The following HECW1 variants were observed in gnomAD, a reference collection of about 807,000 sequenced individuals.
The protein encoded by HECW1 is HECT, C2 and WW domain containing E3 ubiquitin protein ligase 1, also known as E3 ubiquitin-protein ligase HECW1.
In HECW1, 61 loss-of-function variants were observed where a neutral mutation model predicts 182.3. The observed-to-expected ratio is 0.33, with a 90% CI of 0.27 to 0.41. HECW1 has a LOEUF of 0.41. Among genes scored for constraint, HECW1 ranks in the 10% least tolerant of loss-of-function variants. The pLI is 1.00. For missense variants in HECW1, 1,739 were observed against 2,108.9 expected (o/e 0.82, Z 3.44); for synonymous variants, 859 against 832.6 (o/e 1.03, Z -0.55).
chr7:43,311,929 G>A lies in HECW1; in HGVS notation c.194G>A (p.Arg65His), dbSNP rs750970386. The A allele has an allele frequency of 8.1e-6, 13 of 1,614,126 alleles. No individual in the cohort carries two copies. Among genetic ancestry groups the A allele is most frequent in the Non-Finnish European group, 1.0e-5 (12 of 1,180,022 alleles). ...CCCCACGATGGCGTCACCATTCCCC[G>A]CTCCACCAGCGACACTGACCTGGTC... The part of the protein sequence containing the change: ...GGPHDGVTIP[R>H]STSDTDLVTS... The change falls in exon 4 of 30, where the codon CGC becomes CAC. Residue 65 changes from arginine (R) to histidine (H), a missense_variant. Transcript: ENST00000395891.
intron 24 of HECW1, chr7:43,523,124 C>T (rs1232648409): frequency 8.0e-6 from 3 of 374,092 alleles, no homozygotes; most frequent in Admixed American, 2.8e-5. Context: ...CTGCCTCAGC[C>T]TCTCAAGTAG....
intron 29 of HECW1, among the ~76,000 whole-genome samples, chr7:43,559,382 T>TTCAGTTG (rs2082135943): frequency 6.6e-6 from 1 of 152,092 alleles, no homozygotes; most frequent in Admixed American, 6.5e-5. Context: ...CGTGCAAAAC[T>TTCAGTTG]CCAGAGGCTT....
At chr7:43,267,533 A>G (rs1419374387) in intron 3 of HECW1, among the ~76,000 whole-genome samples, 1 of 152,012 alleles carries the variant, frequency 6.6e-6, no homozygotes, top group African/African-American at 2.4e-5. Flanking sequence ...TCAAGTAAAA[A>G]AAAATTAGAA....
intron 3 of HECW1, among the ~76,000 whole-genome samples, chr7:43,253,630 A>G (rs150318572): frequency 6.6e-6 from 1 of 152,288 alleles, no homozygotes; most frequent in African/African-American, 2.4e-5. Context: ...ATCAACTTTG[A>G]CATTCCCTCC....
At position 43,181,779 on chromosome 7, in the gene HECW1, T is replaced by TTTTG. The variant is rs956983475; in HGVS notation, c.-31-62080_-31-62077dup. 7.3e-5 allele frequency among the ~76,000 whole-genome samples: 11 copies of TTTTG among 150,716 alleles called. 1 individual carries two copies. Among genetic ancestry groups the TTTTG allele is most frequent in the African/African-American group, 2.5e-4 (10 of 40,158 alleles). On this transcript the variant is annotated intron_variant, in intron 2 of 29. Coordinates refer to ENST00000395891, the MANE Select transcript of HECW1 (RefSeq NM_015052.5). Reference sequence around the variant, plus strand: ...TTTCCTAATATTTTCTCATATTGTTTTTTGTTTGTTTGTTTGTTTTTGTTT... The same window carrying TTTTG: ...TTTCCTAATATTTTCTCATATTGTTTTTTGTTTGTTTGTTTGTTTGTTTTTGTTT...
Position 43,554,721 on chromosome 7 carries a change from C to A in HECW1, c.4640C>A (p.Ala1547Asp), listed in dbSNP as rs773662488. Residue 1547 changes from alanine to aspartate, a missense_variant, in exon 29 of 30, where the codon GCC becomes GAC. By Grantham distance (126) the Ala-to-Asp change is moderately radical. This residue lies in a region of HECW1 where 420 missense variants were observed against 595.7 expected (regional missense o/e 0.71). Coordinates refer to ENST00000395891, the MANE Select transcript of HECW1 (RefSeq NM_015052.5). The stretch of plus-strand genomic sequence containing the variant: ...AGCGTGCCCTACGAAGGCTTCGCAG[C>A]CCTCCGTGGGAGCAATGGGCTTCGG... ...TSSVPYEGFA[A>D]LRGSNGLRRF... 3.1e-6 allele frequency: 5 copies of A among 1,614,158 alleles called. No homozygotes were observed. The Admixed American group carries it at 5.0e-5, about 16-fold the overall frequency.
intron 6 of HECW1, among the ~76,000 whole-genome samples, chr7:43,392,414 G>A (rs541206225): frequency 1.3e-5 from 2 of 152,264 alleles, no homozygotes; most frequent in South Asian, 4.1e-4. Flanking sequence ...CCCAGGTCTG[G>A]GCCATTCCAA....
chr7:43,113,509 G>A (rs574571486), intron 1 of HECW1: 2 of 170,542 alleles, frequency 1.2e-5, no homozygotes, highest in South Asian at 2.0e-4. Context: ...GACGGGTGCA[G>A]GAGGGGAGGA....
chr7:43,337,008 AG>A (rs1812381007), intron 5 of HECW1, among the ~76,000 whole-genome samples: 1 of 152,294 alleles, frequency 6.6e-6, no homozygotes, highest in Admixed American at 6.5e-5. Flanking sequence ...TAAACATAGG[AG>A]TGCAGATGTC....
chr7:43,356,886 CAA>C (rs756053119), intron 5 of HECW1, among the ~76,000 whole-genome samples: 4 of 152,072 alleles, frequency 2.6e-5, no homozygotes, highest in Middle Eastern at 3.4e-3. Flanking sequence ...GTAAACAACT[CAA>C]GAGCAAAAAA....
chr7:43,114,032 A>C, intron 1 of HECW1, 125 bp from the exon 2 acceptor site: 2 of 406,590 alleles, frequency 4.9e-6, no homozygotes, highest in Non-Finnish European at 4.6e-6. Flanking sequence ...ACCAGAGAGC[A>C]TGTGGGGATT....
chr7:43,358,351 C>T (rs1398609042), intron 5 of HECW1, among the ~76,000 whole-genome samples: 2 of 152,140 alleles, frequency 1.3e-5, no homozygotes, highest in Non-Finnish European at 2.9e-5. Flanking sequence ...ATGGGGACAA[C>T]TTTGAGGTGT....
chr7:43,557,805 G>A (rs2082079985), intron 29 of HECW1, among the ~76,000 whole-genome samples: 1 of 152,182 alleles, frequency 6.6e-6, no homozygotes. Flanking sequence ...GCACATATGT[G>A]TGTGTATATC....
intron 12 of HECW1, among the ~76,000 whole-genome samples, chr7:43,455,646 T>A (rs2077376542): frequency 6.6e-6 from 1 of 152,234 alleles, no homozygotes. Context: ...ATAAATTCAT[T>A]AAACAGTAGA....
chr7:43,113,671 A>AGT (rs749352462), intron 1 of HECW1: 9 of 118,266 alleles, frequency 7.6e-5, no homozygotes, highest in African/African-American at 1.2e-4. Flanking sequence ...CGGGGCGGGG[A>AGT]GGGGGGGGGA....
intron 6 of HECW1, among the ~76,000 whole-genome samples, chr7:43,364,300 G>A (rs1203036254): frequency 6.6e-6 from 1 of 152,054 alleles, no homozygotes; most frequent in Non-Finnish European, 1.5e-5. Context: ...TGTCCCATGG[G>A]CAACTGTTGA....
intron 17 of HECW1, among the ~76,000 whole-genome samples, chr7:43,488,382 G>A (rs1158002886): frequency 4.8e-4 from 35 of 72,394 alleles, no homozygotes; most frequent in African/African-American, 8.5e-4. Context: ...AAGGAAGGAA[G>A]GAAGGAAGGA....
At chr7:43,384,465 T>A (rs573122204) in intron 6 of HECW1, among the ~76,000 whole-genome samples, 3 of 152,170 alleles carry the variant, frequency 2.0e-5, no homozygotes, top group Non-Finnish European at 4.4e-5. Context: ...CCCTTGGACC[T>A]TAGAGAGCTT....
At position 43,565,211 on chromosome 7, in the gene HECW1, T is replaced by C. The variant is rs546766039; in HGVS notation, c.*3285T>C. The C allele has an allele frequency of 5.0e-6, 1 of 201,992 alleles. No individual in the cohort carries two copies. The highest frequency in any genetic ancestry group is 1.0e-5 in the Non-Finnish European group (1 of 98,244). The allele number at this position is 201,992 out of a possible 1,614,324, so 12.5% of individuals were successfully genotyped here. A position where few individuals can be genotyped will look rare whatever the true frequency, so the allele number is the denominator to read the frequency against. ...CTACTGAACTCTTTGTAATTTCCTA[T>C]GTATATAAATGAGTGGAGGTTGTGA... On this transcript the variant is annotated 3_prime_UTR_variant, in exon 30 of 30. Coordinates refer to ENST00000395891, the MANE Select transcript of HECW1 (RefSeq NM_015052.5).
Sources: gnomAD v4.1 joint callset for allele counts (sites outside exome capture counted in the v4.1 genomes callset) on GRCh38, gnomAD v4.1.1 for gene constraint, gnomAD v4.1.1 regional missense constraint, MANE v1.5 for transcripts, NCBI Gene and HGNC (gene_info 2026-07-23, HGNC 2026-07-21) for gene names.